HAVCR1: variants seen among roughly 807,000 people sequenced by gnomAD.
HAVCR1 encodes hepatitis A virus cellular receptor 1.
HAVCR1 carries 34 observed loss-of-function variants against 32.0 expected under a neutral mutation model. The ratio of observed to expected loss-of-function variants is 1.06; its 90% CI spans 0.81 to 1.42. The LOEUF (loss-of-function observed/expected upper bound fraction) is 1.42, where lower values mean the gene tolerates loss of function less well. HAVCR1 is among the 40% of genes most tolerant of loss of function. The pLI is 0.00. For synonymous variants in HAVCR1, 178 were observed against 170.3 expected (o/e 1.05, Z -0.35); for missense variants, 420 against 442.3 (o/e 0.95, Z 0.45).
intron 5 of HAVCR1, among the ~76,000 whole-genome samples, chr5:157,043,385 C>A (rs1464360670): frequency 1.3e-5 from 2 of 152,168 alleles, no homozygotes; most frequent in African/African-American, 4.8e-5. Context: ...ATATTCTCAG[C>A]CAGGCATGGG....
chr5:157,037,244 T>A lies in HAVCR1; in HGVS notation c.952+3A>T, dbSNP rs779091220. On this transcript the variant is annotated splice_donor_region_variant and intron_variant, in intron 7 of 8. Transcript: ENST00000523175. ...CCTTAGGAACAATCTCGAAATGACT[T>A]ACTTTTGGCAATGATGACACCCAAA... 7 of 1,462,122 alleles carry A rather than the reference T, an allele frequency of 4.8e-6. No homozygotes were observed. The highest frequency in any genetic ancestry group is 4.8e-6 in the Non-Finnish European group (5 of 1,041,284). 90.6% of individuals were successfully genotyped at this position (1,462,122 alleles called of 1,614,324 possible). A position where few individuals can be genotyped will look rare whatever the true frequency, so the allele number is the denominator to read the frequency against.
Position 157,052,546 on chromosome 5 carries a change from G to T in HAVCR1, c.488C>A (p.Thr163Lys), listed in dbSNP as rs373345404. ...TTTVPMTTVP[T>K]TTVPTTMSIP... ...GCTCATTGTTGTTGGAACAGTTGTCGTTGGAACAGTCGTCATTGGAACAGT... is the reference window on the plus strand; with the variant it reads ...GCTCATTGTTGTTGGAACAGTTGTCTTTGGAACAGTCGTCATTGGAACAGT... The change falls in exon 4 of 9, where the codon ACG becomes AAG. Residue 163 changes from threonine (T) to lysine (K), a missense_variant. Physicochemically the swap from Thr to Lys is moderately conservative, Grantham distance 78. Transcript: ENST00000523175. The T allele has an allele frequency of 6.3e-7, 1 of 1,593,660 alleles. No individual in the cohort carries two copies.
In HAVCR1 at chr5:157,052,345, A is replaced by C; in HGVS notation, c.673+16T>G. 6.2e-7 allele frequency: 1 copy of C among 1,612,866 alleles called. No homozygotes were observed. Among genetic ancestry groups the C allele is most frequent in the Non-Finnish European group, 8.5e-7 (1 of 1,178,884 alleles). On this transcript the variant is annotated intron_variant, in intron 4 of 8. Coordinates refer to ENST00000523175, the MANE Select transcript of HAVCR1 (RefSeq NM_001173393.3). ...TCATTAGAAGGCCTTTGGGCTTCCAAACACATCTGTTTTACCTGGTTCATG... is the reference window on the plus strand; with the variant it reads ...TCATTAGAAGGCCTTTGGGCTTCCACACACATCTGTTTTACCTGGTTCATG...
chr5:157,047,663 A>G (rs1489107969), intron 5 of HAVCR1, among the ~76,000 whole-genome samples: 3 of 152,162 alleles, frequency 2.0e-5, no homozygotes, highest in Admixed American at 2.0e-4. Flanking sequence ...ACCCTTTCCC[A>G]TATACCTCAT....
the HAVCR1 span, among the ~76,000 whole-genome samples, chr5:157,064,214 C>T: frequency 6.6e-6 from 1 of 151,948 alleles, no homozygotes; most frequent in Non-Finnish European, 1.5e-5. Context: ...ATGAACTTTC[C>T]TCACTCAACC....
Position 157,057,931 on chromosome 5 carries a change from C to A in HAVCR1, c.13G>T (p.Val5Leu). 1 of 1,613,730 alleles carries A rather than the reference C, an allele frequency of 6.2e-7. No individual in the cohort carries two copies. The highest frequency in any genetic ancestry group is 2.2e-5 in the East Asian group (1 of 44,882). MHPQVVILSLILHLA... is the reference protein window; with the variant it reads MHPQLVILSLILHLA... Reference sequence around the variant, plus strand: ...TGTAGGATGAGGCTTAAGATGACCACTTGAGGATGCATTATGGGATCAGCC... The same window carrying A: ...TGTAGGATGAGGCTTAAGATGACCAATTGAGGATGCATTATGGGATCAGCC... Residue 5 changes from valine (V) to leucine (L), a missense_variant, in exon 2 of 9, where the codon GTG becomes TTG. Val to Leu is a conservative substitution (Grantham distance 32, BLOSUM62 1). Coordinates refer to ENST00000523175, the MANE Select transcript of HAVCR1 (RefSeq NM_001173393.3).
chr5:157,053,477 T>C lies in HAVCR1; in HGVS notation c.380-823A>G, dbSNP rs77682505. ...AAAGCTAAGAGACTGCAAATTAAAA[T>C]TCCTCTTAATTAAAACGAAAATAGA... On this transcript the variant is annotated intron_variant, in intron 3 of 8. Transcript: ENST00000523175. Among the ~76,000 whole-genome samples, 1,047 of 151,390 alleles carry C rather than the reference T, an allele frequency of 6.9e-3. 4 individuals are homozygous for C. The highest frequency in any genetic ancestry group is 0.011 in the Non-Finnish European group (745 of 67,858).
At chr5:157,032,042 A>T (rs1754203974) in intron 8 of HAVCR1, among the ~76,000 whole-genome samples, 1 of 151,118 alleles carries the variant, frequency 6.6e-6, no homozygotes, top group South Asian at 2.1e-4. Context: ...CTTGGCACTC[A>T]ATCAAACAGA....
the HAVCR1 span, among the ~76,000 whole-genome samples, chr5:157,066,093 G>C: frequency 2.2e-5 from 3 of 137,410 alleles, no homozygotes; most frequent in Admixed American, 7.8e-5. Context: ...GGTGGAAGAG[G>C]CACCAATACA....
At chr5:157,054,981 T>G (rs895729305) in intron 3 of HAVCR1, among the ~76,000 whole-genome samples, 2 of 152,182 alleles carry the variant, frequency 1.3e-5, no homozygotes, top group Non-Finnish European at 2.9e-5. Flanking sequence ...AAGGAACAAT[T>G]GTACTGCTGT....
At position 157,029,763 on chromosome 5, in the gene HAVCR1, G is replaced by A; in HGVS notation, c.1065C>T (p.Tyr355=). The A allele has an allele frequency of 6.2e-7, 1 of 1,611,694 alleles. No homozygotes were observed. Among genetic ancestry groups the A allele is most frequent in the Non-Finnish European group, 8.5e-7 (1 of 1,178,648 alleles). ...CCGTGGCATAAAGACTATTCTCAAT[G>A]TAGATATTGTCTTCTGCTTGGACTT... The part of the protein sequence containing the change: ...EKEVQAEDNI[Y]IENSLYATD The change falls in exon 9 of 9, where the codon TAC becomes TAT. Residue 355 remains tyrosine, a synonymous_variant. Transcript: ENST00000523175.
chr5:157,044,591 GAA>G (rs754537381), intron 5 of HAVCR1, among the ~76,000 whole-genome samples: 3 of 16,138 alleles, frequency 1.9e-4, no homozygotes, highest in Non-Finnish European at 2.3e-4. Context: ...AAGAAGGAAA[GAA>G]AGAAAGAAAG....
intron 2 of HAVCR1, among the ~76,000 whole-genome samples, chr5:157,057,522 T>C (rs1292593385): frequency 6.6e-6 from 1 of 151,780 alleles, no homozygotes; most frequent in Admixed American, 6.6e-5. Flanking sequence ...AAGGATTAAC[T>C]CTCCCTCCAC....
At position 157,055,604 on chromosome 5, in the gene HAVCR1, G is replaced by A. The variant is rs1461435660; in HGVS notation, c.47-71C>T. 6 of 954,082 alleles carry A rather than the reference G, an allele frequency of 6.3e-6. No individual in the cohort carries two copies. In the South Asian group the frequency reaches 7.0e-5, roughly 11 times the overall value. The allele number at this position is 954,082 out of a possible 1,614,324, so 59.1% of individuals were successfully genotyped here. A position where few individuals can be genotyped will look rare whatever the true frequency, so the allele number is the denominator to read the frequency against. On this transcript the variant is annotated intron_variant, in intron 2 of 8. Transcript: ENST00000523175. Reference sequence around the variant, plus strand: ...ATCTTGGCTGGGCACAATGGCTCACGCCTGTAATCCAAGAACTTTGGGAGA... The same window carrying A: ...ATCTTGGCTGGGCACAATGGCTCACACCTGTAATCCAAGAACTTTGGGAGA...
chr5:157,050,421 C>A (rs1755670786), intron 4 of HAVCR1, among the ~76,000 whole-genome samples: 1 of 152,134 alleles, frequency 6.6e-6, no homozygotes, highest in South Asian at 2.1e-4. Flanking sequence ...GTACTAGGGG[C>A]ACTGAGCAGG....
chr5:157,047,048 C>T (rs969516917), intron 5 of HAVCR1, among the ~76,000 whole-genome samples: 1 of 152,042 alleles, frequency 6.6e-6, no homozygotes, highest in African/African-American at 2.4e-5. Flanking sequence ...CTCATAACTC[C>T]CATATCCCTG....
chr5:157,062,452 C>T (rs1265349304), upstream of HAVCR1, among the ~76,000 whole-genome samples: 1 of 152,176 alleles, frequency 6.6e-6, no homozygotes, highest in Non-Finnish European at 1.5e-5. Context: ...GCTATCTCAG[C>T]GCACATCGTA....
chr5:157,039,181 A>G lies in HAVCR1; in HGVS notation c.838-1820T>C, dbSNP rs147014628. On this transcript the variant is annotated intron_variant, in intron 6 of 8. Coordinates refer to ENST00000523175, the MANE Select transcript of HAVCR1 (RefSeq NM_001173393.3). ...ATGAGCACTTTTGCCATTTTGCTTT[A>G]TATACTTTTATAGAATTTTATCCTT... Among the ~76,000 whole-genome samples, 318 of 152,318 alleles carry G rather than the reference A, an allele frequency of 2.1e-3. 6 individuals carry two copies. The South Asian group carries it at 0.034, about 16-fold the overall frequency.
At position 157,029,578 on chromosome 5, in the gene HAVCR1, G is replaced by C. The variant is rs1176024751; in HGVS notation, c.*155C>G. ...GTTGACTATACACAGTTTGGAGTGAGAGAGTTACTCTACCCAGTATCACTG... is the reference window on the plus strand; with the variant it reads ...GTTGACTATACACAGTTTGGAGTGACAGAGTTACTCTACCCAGTATCACTG... On this transcript the variant is annotated 3_prime_UTR_variant, in exon 9 of 9. Transcript: ENST00000523175. 2.6e-6 allele frequency: 4 copies of C among 1,532,482 alleles called. No individual in the cohort carries two copies. Among genetic ancestry groups the C allele is most frequent in the South Asian group, 2.4e-5 (2 of 84,176 alleles). 94.9% of individuals were successfully genotyped at this position (1,532,482 alleles called of 1,614,324 possible).
Sources: allele counts gnomAD v4.1 joint callset (sites outside exome capture counted in the v4.1 genomes callset), GRCh38; gene constraint gnomAD v4.1.1; transcripts MANE v1.5; gene names NCBI Gene and HGNC (gene_info 2026-07-23, HGNC 2026-07-21).